TMEM167A: variants seen among roughly 807,000 people sequenced by gnomAD.
The protein encoded by TMEM167A is transmembrane protein 167A, also known as protein kish-A.
A neutral mutation model predicts 11.6 loss-of-function variants in TMEM167A; 8 were observed. The ratio of observed to expected loss-of-function variants is 0.69; its 90% confidence interval spans 0.40 to 1.24. The LOEUF is 1.24. Ranked by LOEUF, TMEM167A falls within the 50% of genes most tolerant of loss-of-function variation. The pLI is 0.01. For synonymous variants in TMEM167A, 22 were observed against 28.0 expected, an observed-to-expected ratio of 0.79 and a Z score of 0.67; for missense variants, 62 against 87.0, an observed-to-expected ratio of 0.71 and a Z score of 1.14.
At position 83,056,987 on chromosome 5, in the gene TMEM167A, G is replaced by C; in HGVS notation, c.*97C>G. The C allele has an allele frequency of 4.7e-6, 5 of 1,062,546 alleles. No homozygotes were observed. The highest frequency in any genetic ancestry group is 7.2e-6 in the Non-Finnish European group (5 of 691,794). 65.8% of individuals were successfully genotyped at this position (1,062,546 alleles called of 1,614,324 possible). A position where few individuals can be genotyped will look rare whatever the true frequency, so the allele number is the denominator to read the frequency against. ...GGAAATTTATCTCATTCAATGTTCG[G>C]AGATAAAAGAGTTAAACATCCTTTC... is the stretch of plus-strand genomic sequence containing the variant. On this transcript the variant is annotated 3_prime_UTR_variant, in exon 4 of 4. Transcript: ENST00000502346.
chr5:83,061,631 G>A (rs1027679285), intron 3 of TMEM167A, among the ~76,000 whole-genome samples: 1 of 152,158 alleles, frequency 6.6e-6, no homozygotes, highest in Non-Finnish European at 1.5e-5. Flanking sequence ...CTGACCTCAG[G>A]TAATCCTCCT....
Position 83,053,778 on chromosome 5 carries a change from CT to C in TMEM167A, c.*3305del, listed in dbSNP as rs1241687889. On this transcript the variant is annotated 3_prime_UTR_variant, in exon 4 of 4. Coordinates refer to ENST00000502346, the MANE Select transcript of TMEM167A (RefSeq NM_174909.5). Reference sequence around the variant, plus strand: ...CTCAAGTTCAGCTTAAGCAGTGCTCCTCTGGAAGTTCACACCCTAACTGAAC... The same window carrying C: ...CTCAAGTTCAGCTTAAGCAGTGCTCCCTGGAAGTTCACACCCTAACTGAAC... The C allele has an allele frequency of 2.6e-5, 4 of 152,170 alleles. No homozygotes were observed. The highest frequency in any genetic ancestry group is 6.6e-5 in the Admixed American group (1 of 15,264). The allele number at this position is 152,170 out of a possible 1,614,324, so 9.4% of individuals were successfully genotyped here.
rs922684642 is a variant in TMEM167A at position 83,066,828 on chromosome 5, T to G, written c.4-1711A>C. 4.7e-4 allele frequency among the ~76,000 whole-genome samples: 71 copies of G among 152,208 alleles called. 1 individual carries two copies. Among genetic ancestry groups the G allele is most frequent in the African/African-American group, 1.5e-3 (61 of 41,548 alleles). ...TCTCATTAGTGAGATCTCACAAGAC[T>G]GGATTAGTTTTCCAAGAAATGAATT... On this transcript the variant is annotated intron_variant, in intron 1 of 3. Transcript: ENST00000502346.
At chr5:83,060,280 A>G (rs10051445) in intron 3 of TMEM167A, among the ~76,000 whole-genome samples, 72,504 of 150,802 alleles carry the variant, frequency 0.48, 18,082 homozygotes, top group African/African-American at 0.58. Context: ...CTGGCTAACA[A>G]TAAATGTCAA....
At position 83,077,343 on chromosome 5, in the gene TMEM167A, C is replaced by T. The variant is rs768910697; in HGVS notation, c.-20G>A. 7.4e-6 allele frequency: 12 copies of T among 1,614,186 alleles called. No individual in the cohort carries two copies. In the South Asian group the frequency reaches 1.3e-4, roughly 18 times the overall value. On this transcript the variant is annotated 5_prime_UTR_variant, in exon 1 of 4. Transcript: ENST00000502346. ...TACCATAGCGAGGCCGGCGATGCCG[C>T]AGCCACATCACCCTTCCGGGGCTCA...
chr5:83,059,087 A>G (rs111927844), intron 3 of TMEM167A, among the ~76,000 whole-genome samples: 394 of 152,158 alleles, frequency 2.6e-3, no homozygotes, highest in African/African-American at 8.8e-3. Context: ...AATTGGCAAG[A>G]ATGAACATTT....
intron 3 of TMEM167A, among the ~76,000 whole-genome samples, chr5:83,057,727 T>C (rs1181730872): frequency 6.6e-6 from 1 of 152,150 alleles, no homozygotes; most frequent in African/African-American, 2.4e-5. Context: ...TGAGATAGTA[T>C]GCTTACTCTG....
rs1430044680 is a variant in TMEM167A, at chr5:83,054,395, C to T, written c.*2689G>A. On this transcript the variant is annotated 3_prime_UTR_variant, in exon 4 of 4. Coordinates refer to ENST00000502346, the MANE Select transcript of TMEM167A (RefSeq NM_174909.5). ...AAGCCAATCCAGAACTAAACATCAG[C>T]ACACAAAAAATACCAGGATAGATGG... is the stretch of plus-strand genomic sequence containing the variant. The T allele has an allele frequency of 6.6e-6, 1 of 151,902 alleles. No individual in the cohort carries two copies. The highest frequency in any genetic ancestry group is 1.5e-5 in the Non-Finnish European group (1 of 67,912). The allele number at this position is 151,902 out of a possible 1,614,324, so 9.4% of individuals were successfully genotyped here. A position where few individuals can be genotyped will look rare whatever the true frequency, so the allele number is the denominator to read the frequency against.
At chr5:83,065,508 C>T (rs1744468815) in intron 1 of TMEM167A, among the ~76,000 whole-genome samples, 2 of 152,072 alleles carry the variant, frequency 1.3e-5, no homozygotes, top group Admixed American at 1.3e-4. Flanking sequence ...AGCACCTGTA[C>T]TTTCACTGTT....
intron 3 of TMEM167A, among the ~76,000 whole-genome samples, chr5:83,060,549 T>C (rs1395454996): frequency 6.6e-6 from 1 of 151,988 alleles, no homozygotes; most frequent in African/African-American, 2.4e-5. Flanking sequence ...TACTGATGAA[T>C]GGCTGGGCAC....
At chr5:83,068,404 A>G (rs1207466617) in intron 1 of TMEM167A, among the ~76,000 whole-genome samples, 2 of 152,180 alleles carry the variant, frequency 1.3e-5, no homozygotes, top group African/African-American at 4.8e-5. Context: ...TATTACCTGT[A>G]TTTTATACAT....
chr5:83,063,457 CT>C (rs538526608), intron 2 of TMEM167A, among the ~76,000 whole-genome samples: 1 of 152,100 alleles, frequency 6.6e-6, no homozygotes, highest in Non-Finnish European at 1.5e-5. Context: ...GCCATGGCTC[CT>C]TCATTCTAGA....
At chr5:83,068,411 A>T (rs1744513986) in intron 1 of TMEM167A, among the ~76,000 whole-genome samples, 1 of 152,206 alleles carries the variant, frequency 6.6e-6, no homozygotes, top group Admixed American at 6.5e-5. Context: ...TGTATTTTAT[A>T]CATGAGACTG....
In TMEM167A at chr5:83,055,326, A is replaced by C. The variant is rs574855161; in HGVS notation, c.*1758T>G. The C allele has an allele frequency of 3.3e-5, 5 of 152,018 alleles. No homozygotes were observed. Among genetic ancestry groups the C allele is most frequent in the African/African-American group, 1.2e-4 (5 of 41,410 alleles). 9.4% of individuals were successfully genotyped at this position (152,018 alleles called of 1,614,324 possible). On this transcript the variant is annotated 3_prime_UTR_variant, in exon 4 of 4. Transcript: ENST00000502346. ...AAAAATTAGTTGACATGGCTTTCGG[A>C]AAGTCCAGTTGGCAGCAGAGCTGGA...
intron 1 of TMEM167A, among the ~76,000 whole-genome samples, chr5:83,066,558 T>C (rs913876560): frequency 7.9e-5 from 12 of 152,160 alleles, no homozygotes; most frequent in African/African-American, 2.9e-4. Flanking sequence ...GGAATAAGCT[T>C]AACAAGAAAT....
chr5:83,058,032 A>G (rs1326616857), intron 3 of TMEM167A, among the ~76,000 whole-genome samples: 1 of 152,128 alleles, frequency 6.6e-6, no homozygotes, highest in Non-Finnish European at 1.5e-5. Flanking sequence ...TCTAGAAATA[A>G]TCCTGGGTAT....
chr5:83,066,370 T>G (rs1744481740), intron 1 of TMEM167A, among the ~76,000 whole-genome samples: 1 of 152,164 alleles, frequency 6.6e-6, no homozygotes, highest in Non-Finnish European at 1.5e-5. Context: ...GCTGAGTGCT[T>G]ACTTGAAAAG....
intron 1 of TMEM167A, among the ~76,000 whole-genome samples, chr5:83,067,225 G>C (rs1238168590): frequency 6.8e-6 from 1 of 146,790 alleles, no homozygotes; most frequent in Admixed American, 6.8e-5. Context: ...AATAAGGCAA[G>C]AATAGCCAGG....
intron 1 of TMEM167A, among the ~76,000 whole-genome samples, chr5:83,070,667 C>A (rs2112247823): frequency 6.6e-6 from 1 of 152,212 alleles, no homozygotes; most frequent in East Asian, 1.9e-4. Flanking sequence ...AAATTACTTA[C>A]AATGTTGACA....
Sources: gnomAD v4.1 joint callset for allele counts (sites outside exome capture counted in the v4.1 genomes callset) on GRCh38, gnomAD v4.1.1 for gene constraint, MANE v1.5 for transcripts, NCBI Gene and HGNC (gene_info 2026-07-23, HGNC 2026-07-21) for gene names.